PCDH11X: variants seen among roughly 807,000 people sequenced by gnomAD.
PCDH11X encodes protocadherin-11 X-linked.
PCDH11X carries 18 observed loss-of-function variants against 53.3 expected under a neutral mutation model. That is an observed-to-expected ratio of 0.34 (90% CI 0.23 to 0.50). The LOEUF is 0.50. Among genes scored for constraint, PCDH11X ranks in the 20% least tolerant of loss-of-function variants. The pLI, the probability that PCDH11X is intolerant of heterozygous loss-of-function variation, is 0.98. For missense variants in PCDH11X, 570 were observed against 1,032.4 expected, an observed-to-expected ratio of 0.55 and a Z score of 6.14; for synonymous variants, 279 against 393.3, an observed-to-expected ratio of 0.71 and a Z score of 3.44.
intron 6 of PCDH11X, among the ~76,000 whole-genome samples, chrX:92,142,890 G>GAT (rs1234981278): frequency 1.0e-5 from 1 of 96,391 alleles, no homozygotes; most frequent in East Asian, 3.5e-4. Flanking sequence ...CATACACGTT[G>GAT]ATATATATAC....
chrX:92,545,028 G>A (rs1328794984), intron 10 of PCDH11X, among the ~76,000 whole-genome samples: 1 of 111,161 alleles, frequency 9.0e-6, no homozygotes, highest in Non-Finnish European at 1.9e-5. Context: ...AGTCTATTCA[G>A]TAGGGTAGAA....
rs186258712 is a variant in PCDH11X at position 91,881,340 on chromosome X, G to T, written c.3033+2067G>T. On this transcript the variant is annotated intron_variant, in intron 6 of 10. Coordinates refer to ENST00000682573, the MANE Select transcript of PCDH11X (RefSeq NM_032968.5). ...TAAGAATTAGTCAAAATACAAAAAAGTAAATGCTAATGAGAATCAGTTATT... is the reference window on the plus strand; with the variant it reads ...TAAGAATTAGTCAAAATACAAAAAATTAAATGCTAATGAGAATCAGTTATT... 9.2e-4 allele frequency among the ~76,000 whole-genome samples: 102 copies of T among 111,186 alleles called. 1 individual carries two copies. The Admixed American group carries it at 9.7e-3, about 11-fold the overall frequency.
intron 4 of PCDH11X, among the ~76,000 whole-genome samples, chrX:91,827,419 G>C (rs35805449): frequency 6.3e-5 from 7 of 111,531 alleles, no homozygotes; most frequent in Non-Finnish European, 1.3e-4. Flanking sequence ...TGTTTACTCT[G>C]TTGATGGTTT....
At chrX:92,032,955 C>T (rs1235855885) in intron 6 of PCDH11X, among the ~76,000 whole-genome samples, 2 of 107,051 alleles carry the variant, frequency 1.9e-5, no homozygotes, top group Admixed American at 1.0e-4. Context: ...ACTGGGACTA[C>T]AGGTGTTCGC....
intron 6 of PCDH11X, among the ~76,000 whole-genome samples, chrX:91,960,997 C>A (rs1222056683): frequency 1.0e-5 from 1 of 95,256 alleles, no homozygotes; most frequent in Non-Finnish European, 2.1e-5. Flanking sequence ...TATAGTTTTG[C>A]AATATACTTT....
intron 7 of PCDH11X, among the ~76,000 whole-genome samples, chrX:92,218,971 A>G (rs2148350286): frequency 8.9e-6 from 1 of 111,787 alleles, no homozygotes; most frequent in East Asian, 2.8e-4. Flanking sequence ...ATAGATGCAG[A>G]AAAGGCCTTT....
chrX:92,264,214 T>C, intron 8 of PCDH11X, among the ~76,000 whole-genome samples: 1 of 112,231 alleles, frequency 8.9e-6, no homozygotes, highest in Non-Finnish European at 1.9e-5. Context: ...GGAGTTTGAA[T>C]ACAATGCCAA....
At position 91,969,504 on chromosome X, in the gene PCDH11X, A is replaced by G. The variant is rs552616742; in HGVS notation, c.3033+90231A>G. Among the ~76,000 whole-genome samples the G allele has an allele frequency of 5.6e-4, 62 of 111,012 alleles. No individual in the cohort carries two copies. The South Asian group carries it at 0.024, about 43-fold the overall frequency. On this transcript the variant is annotated intron_variant, in intron 6 of 10. Transcript: ENST00000682573. ...GTCAAGGTAGTGAAGATGATCAAAG[A>G]AGGATCATCATAGGCTAGACATGGT... is the stretch of plus-strand genomic sequence containing the variant.
At chrX:92,293,485 G>A (rs1448258412) in intron 8 of PCDH11X, among the ~76,000 whole-genome samples, 5 of 109,487 alleles carry the variant, frequency 4.6e-5, no homozygotes, top group Non-Finnish European at 9.5e-5. Context: ...TTAGCCGGGC[G>A]TGGTAGCGGG....
chrX:91,908,569 C>T (rs1461067589), intron 6 of PCDH11X, among the ~76,000 whole-genome samples: 4 of 110,683 alleles, frequency 3.6e-5, no homozygotes, highest in Admixed American at 2.9e-4. Flanking sequence ...TCTGGGAGGC[C>T]GAGGCAGGTG....
At chrX:92,467,005 G>A (rs1448322082) in intron 9 of PCDH11X, among the ~76,000 whole-genome samples, 1 of 110,934 alleles carries the variant, frequency 9.0e-6, no homozygotes. Context: ...CAAAATTAGA[G>A]TGATTCTGTG....
intron 9 of PCDH11X, among the ~76,000 whole-genome samples, chrX:92,429,056 T>C: frequency 9.0e-6 from 1 of 110,956 alleles, no homozygotes; most frequent in East Asian, 2.8e-4. Context: ...AATAAAATGC[T>C]AACTTATAGG....
chrX:92,390,175 G>A (rs2071095809), intron 9 of PCDH11X, among the ~76,000 whole-genome samples: 1 of 110,220 alleles, frequency 9.1e-6, no homozygotes, highest in Non-Finnish European at 1.9e-5. Flanking sequence ...TTTTTACTAT[G>A]AATAATACTA....
chrX:92,553,593 T>C (rs1178970241), intron 10 of PCDH11X, among the ~76,000 whole-genome samples: 2 of 109,917 alleles, frequency 1.8e-5, no homozygotes, highest in African/African-American at 3.3e-5. Flanking sequence ...ATCTTTTTTT[T>C]CTTATACTAA....
chrX:91,995,420 T>G (rs1316975282), intron 6 of PCDH11X, among the ~76,000 whole-genome samples: 1 of 111,164 alleles, frequency 9.0e-6, no homozygotes, highest in Non-Finnish European at 1.9e-5. Context: ...GTTTTCCCAG[T>G]GCCACTTATT....
chrX:92,570,015 C>CAAAA (rs766388753), intron 10 of PCDH11X, among the ~76,000 whole-genome samples: 1 of 32,042 alleles, frequency 3.1e-5, no homozygotes, highest in African/African-American at 1.0e-4. Flanking sequence ...GACTCAGTCT[C>CAAAA]AAAAAAAAAA....
At chrX:92,370,840 G>T (rs1418490858) in intron 8 of PCDH11X, among the ~76,000 whole-genome samples, 1 of 111,872 alleles carries the variant, frequency 8.9e-6, no homozygotes, top group Non-Finnish European at 1.9e-5. Context: ...TATTTTTGTA[G>T]TACTGTCTCC....
At chrX:92,163,382 A>G (rs1344934374) in intron 6 of PCDH11X, among the ~76,000 whole-genome samples, 1 of 108,142 alleles carries the variant, frequency 9.2e-6, no homozygotes, top group Non-Finnish European at 1.9e-5. Flanking sequence ...GAATTGTTAC[A>G]AAGTTCAGCT....
chrX:91,971,580 T>TA (rs1241334630), intron 6 of PCDH11X, among the ~76,000 whole-genome samples: 16 of 111,890 alleles, frequency 1.4e-4, no homozygotes, highest in Non-Finnish European at 3.0e-4. Context: ...TTTTGGTTCT[T>TA]AAAAAACAGT....
Sources: allele counts gnomAD v4.1 joint callset (sites outside exome capture counted in the v4.1 genomes callset), GRCh38; gene constraint gnomAD v4.1.1; transcripts MANE v1.5; gene names NCBI Gene and HGNC (gene_info 2026-07-23, HGNC 2026-07-21).